The following CFAP70 variants were observed in gnomAD, a reference collection of about 807,000 sequenced individuals.
The protein encoded by CFAP70 is cilia and flagella associated protein 70, also known as cilia- and flagella-associated protein 70.
CFAP70 carries 81 observed loss-of-function variants against 137.6 expected under a neutral mutation model. That is an observed-to-expected ratio of 0.59 (90% CI 0.49 to 0.71). The LOEUF is 0.71. CFAP70 is among the 30% of genes least tolerant of loss of function. The pLI is 0.00. For synonymous variants in CFAP70, 382 were observed against 423.6 expected, an observed-to-expected ratio of 0.90 and a Z score of 1.20; for missense variants, 976 against 1,226.7, an observed-to-expected ratio of 0.80 and a Z score of 3.05.
At chr10:73,299,011 G>A in exon 14 of CFAP70, 4 of 1,614,010 alleles carry the variant, frequency 2.5e-6, no homozygotes, top group Non-Finnish European at 3.4e-6. Context: ...TCACTCTCCA[G>A]TTTGGCCACC....
chr10:73,259,560 C>A (rs2133556632), intron 25 of CFAP70, among the ~76,000 whole-genome samples: 1 of 152,196 alleles, frequency 6.6e-6, no homozygotes, highest in East Asian at 1.9e-4. Context: ...ACCTTCCAGG[C>A]TCCAGTGATT....
intron 7 of CFAP70, among the ~76,000 whole-genome samples, 171 bp downstream of exon 8, chr10:73,335,257 TTC>T (rs1176873716): frequency 6.6e-6 from 1 of 152,032 alleles, no homozygotes; most frequent in Non-Finnish European, 1.5e-5. Flanking sequence ...CACTAGCTGT[TTC>T]TGTTATTAGC....
intron 12 of CFAP70, among the ~76,000 whole-genome samples, chr10:73,303,454 G>A (rs372552556): frequency 2.0e-4 from 30 of 151,960 alleles, no homozygotes; most frequent in Admixed American, 8.5e-4. Flanking sequence ...TTTTGACCTC[G>A]TGATCCACCT....
upstream of CFAP70, among the ~76,000 whole-genome samples, chr10:73,360,226 CCT>C (rs1293041801): frequency 2.6e-5 from 4 of 151,890 alleles, no homozygotes; most frequent in Non-Finnish European, 5.9e-5. Flanking sequence ...GGAGAGTGTC[CCT>C]GTTTAGGGGA....
chr10:73,268,978 C>T (rs1476763073), intron 25 of CFAP70, among the ~76,000 whole-genome samples: 1 of 152,130 alleles, frequency 6.6e-6, no homozygotes, highest in Non-Finnish European at 1.5e-5. Context: ...TGAGCCACTA[C>T]ACCCAGCCAG....
chr10:73,269,488 T>C, intron 25 of CFAP70, 126 bp downstream of exon 26: 1 of 579,832 alleles, frequency 1.7e-6, no homozygotes, highest in Admixed American at 2.6e-5. Context: ...ATCAGCATAA[T>C]GATTACACCT....
At chr10:73,336,080 A>T (rs957832766) in intron 6 of CFAP70, among the ~76,000 whole-genome samples, 21 of 151,900 alleles carry the variant, frequency 1.4e-4, no homozygotes, top group Non-Finnish European at 2.8e-4. Flanking sequence ...GGTTGAGGCT[A>T]CAATGAGCCT....
At chr10:73,345,530 G>C (rs548984412) in intron 4 of CFAP70, among the ~76,000 whole-genome samples, 1 of 152,212 alleles carries the variant, frequency 6.6e-6, no homozygotes, top group East Asian at 1.9e-4. Context: ...TGTTGGCCAG[G>C]CATGATGGCT....
intron 12 of CFAP70, among the ~76,000 whole-genome samples, chr10:73,305,331 G>T (rs2049294364): frequency 6.6e-6 from 1 of 152,246 alleles, no homozygotes; most frequent in Non-Finnish European, 1.5e-5. Context: ...CCTAAAGCCT[G>T]AGAAGAAAAG....
intron 8 of CFAP70, among the ~76,000 whole-genome samples, chr10:73,325,116 C>T (rs2051271877): frequency 1.3e-5 from 2 of 152,106 alleles, no homozygotes; most frequent in Non-Finnish European, 2.9e-5. Context: ...AAGGGAAGCC[C>T]ATCAGACTAA....
chr10:73,324,611 C>G (rs540726462), intron 8 of CFAP70, among the ~76,000 whole-genome samples: 28 of 152,222 alleles, frequency 1.8e-4, no homozygotes, highest in Non-Finnish European at 2.8e-4. Context: ...GAATATATAA[C>G]TAGAATAACC....
chr10:73,258,367 C>A (rs1294738196), intron 25 of CFAP70, among the ~76,000 whole-genome samples: 2 of 152,214 alleles, frequency 1.3e-5, no homozygotes, highest in African/African-American at 4.8e-5. Flanking sequence ...ATTTCATGGA[C>A]ATTTATCACT....
At chr10:73,302,314 A>T (rs2049009732) in intron 12 of CFAP70, among the ~76,000 whole-genome samples, 2 of 152,154 alleles carry the variant, frequency 1.3e-5, no homozygotes, top group African/African-American at 4.8e-5. Flanking sequence ...AAGCCAGGAG[A>T]GTATAGTGTC....
intron 9 of CFAP70, among the ~76,000 whole-genome samples, chr10:73,315,691 G>A (rs75610942): frequency 0.042 from 6,453 of 152,180 alleles, 390 homozygotes; most frequent in African/African-American, 0.13. Context: ...AGCCTCCCAA[G>A]TGGTGGGACC....
At chr10:73,348,006 ATTAT>A in intron 4 of CFAP70, 146 bp downstream of exon 5, 1 of 686,146 alleles carries the variant, frequency 1.5e-6, no homozygotes, top group African/African-American at 1.9e-5. Context: ...ACTCTGCCTT[ATTAT>A]CTTTGTTTCC....
chr10:73,285,576 C>T (rs1465475144), intron 19 of CFAP70, among the ~76,000 whole-genome samples: 1 of 151,668 alleles, frequency 6.6e-6, no homozygotes, highest in Non-Finnish European at 1.5e-5. Context: ...ACTCTCTAAG[C>T]TCACATCTAG....
intron 4 of CFAP70, among the ~76,000 whole-genome samples, chr10:73,346,643 C>CAA (rs58096049): frequency 2.9e-5 from 4 of 138,588 alleles, no homozygotes; most frequent in African/African-American, 7.8e-5. Flanking sequence ...AACTCCATCT[C>CAA]AAAAAAAAAA....
At chr10:73,299,520 G>A in intron 13 of CFAP70, 85 bp downstream of exon 14, 2 of 1,118,890 alleles carry the variant, frequency 1.8e-6, no homozygotes, top group Non-Finnish European at 2.7e-6. Flanking sequence ...CCTTCTGGAA[G>A]ACATATTAAA....
chr10:73,256,630 G>A (rs761971521), intron 25 of CFAP70, among the ~76,000 whole-genome samples: 8 of 151,858 alleles, frequency 5.3e-5, no homozygotes, highest in Non-Finnish European at 1.2e-4. Flanking sequence ...CTGGCCAGGC[G>A]TGGTGGCTCA....
Sources: gnomAD v4.1 joint callset for allele counts (sites outside exome capture counted in the v4.1 genomes callset) on GRCh38, gnomAD v4.1.1 for gene constraint, MANE v1.5 for transcripts, NCBI Gene and HGNC (gene_info 2026-07-23, HGNC 2026-07-21) for gene names.